SYT6: variants seen among roughly 807,000 people sequenced by gnomAD.
SYT6 encodes the protein synaptotagmin-6.
In SYT6, 24 loss-of-function variants were observed where a neutral mutation model predicts 38.4. The ratio of observed to expected loss-of-function variants is 0.62; its 90% CI spans 0.45 to 0.88. SYT6 has a LOEUF of 0.88. SYT6 is among the 40% of genes least tolerant of loss of function. The pLI, the probability that SYT6 is intolerant of heterozygous loss-of-function variation, is 0.00. For missense variants in SYT6, 611 were observed against 621.0 expected (o/e 0.98, Z 0.17); for synonymous variants, 265 against 241.9 (o/e 1.10, Z -0.89).
chr1:114,138,354 G>A (rs1678636628), intron 2 of SYT6, among the ~76,000 whole-genome samples: 1 of 152,036 alleles, frequency 6.6e-6, no homozygotes, highest in South Asian at 2.1e-4. Context: ...TGCTTTCTAG[G>A]TTTACTTCCT....
chr1:114,114,875 G>A (rs766206990), intron 3 of SYT6, among the ~76,000 whole-genome samples: 1 of 152,148 alleles, frequency 6.6e-6, no homozygotes, highest in Non-Finnish European at 1.5e-5. Flanking sequence ...CACAAGCAAG[G>A]GTTCTGAAGG....
chr1:114,126,625 A>C (rs1677762837), intron 3 of SYT6, among the ~76,000 whole-genome samples: 1 of 152,260 alleles, frequency 6.6e-6, no homozygotes, highest in African/African-American at 2.4e-5. Flanking sequence ...CGGGAAGTAC[A>C]TCTGTGTTGG....
intron 3 of SYT6, among the ~76,000 whole-genome samples, chr1:114,119,238 T>C (rs1677221197): frequency 6.6e-6 from 1 of 152,200 alleles, no homozygotes; most frequent in South Asian, 2.1e-4. Flanking sequence ...GTGATTCTAC[T>C]TGGAGTTTTC....
In SYT6 at chr1:114,132,164, A is replaced by G. The variant is rs77603646; in HGVS notation, c.1071+5331T>C. Among the ~76,000 whole-genome samples the G allele has an allele frequency of 7.1e-4, 108 of 152,326 alleles. No homozygotes were observed. In the East Asian group the frequency reaches 0.019, roughly 27 times the overall value. On this transcript the variant is annotated intron_variant, in intron 3 of 7. Coordinates refer to ENST00000610222, the MANE Select transcript of SYT6 (RefSeq NM_001253772.2). ...AAAGCAGGTTGTGCCCTTGGCAGCT[A>G]GCAGGAGCTCAATAAGTAATGACCA...
At position 114,137,729 on chromosome 1, in the gene SYT6, G is replaced by A; in HGVS notation, c.837C>T (p.Cys279=). The A allele has an allele frequency of 6.2e-7, 1 of 1,614,190 alleles. No individual in the cohort carries two copies. Among genetic ancestry groups the A allele is most frequent in the Non-Finnish European group, 8.5e-7 (1 of 1,180,034 alleles). ...VKIYLLPDRK[C]KLQTRVHRKT... ...TGCGGTGCACCCGGGTCTGCAGCTT[G>A]CATTTGCGGTCAGGCAGGAGGTAGA... Residue 279 remains cysteine, a synonymous_variant, in exon 3 of 8, where the codon TGC becomes TGT. Coordinates refer to ENST00000610222, the MANE Select transcript of SYT6 (RefSeq NM_001253772.2).
At chr1:114,133,045 C>T (rs1678247867) in intron 3 of SYT6, among the ~76,000 whole-genome samples, 1 of 152,134 alleles carries the variant, frequency 6.6e-6, no homozygotes, top group Non-Finnish European at 1.5e-5. Context: ...CTCCCTTCCT[C>T]CCTGCATACC....
chr1:114,110,832 C>G (rs1676631508), intron 3 of SYT6, among the ~76,000 whole-genome samples: 1 of 152,192 alleles, frequency 6.6e-6, no homozygotes, highest in African/African-American at 2.4e-5. Flanking sequence ...TCTGCCAGAT[C>G]CTTGCAGTTT....
Position 114,137,942 on chromosome 1 carries a change from C to A in SYT6, c.624G>T (p.Lys208Asn). Residue 208 changes from lysine (K) to asparagine (N), a missense_variant, in exon 3 of 8, where the codon AAG (lysine) becomes AAT (asparagine). Coordinates refer to ENST00000610222, the MANE Select transcript of SYT6 (RefSeq NM_001253772.2). ...AEQPTSIGRI[K>N]PELYKQKSVD... ...CCGACTTCTGCTTGTAGAGCTCAGG[C>A]TTGATGCGGCCAATGCTGGTGGGCT... is the stretch of plus-strand genomic sequence containing the variant. 6.2e-7 allele frequency: 1 copy of A among 1,614,058 alleles called. No individual in the cohort carries two copies. The highest frequency in any genetic ancestry group is 1.7e-5 in the Admixed American group (1 of 60,020).
chr1:114,120,193 G>A (rs1677306076), intron 3 of SYT6, among the ~76,000 whole-genome samples: 1 of 152,162 alleles, frequency 6.6e-6, no homozygotes, highest in Admixed American at 6.5e-5. Flanking sequence ...AGGTGTTGAT[G>A]AGGTCTCAGA....
At chr1:114,111,334 T>C (rs1296842258) in intron 3 of SYT6, among the ~76,000 whole-genome samples, 2 of 152,182 alleles carry the variant, frequency 1.3e-5, no homozygotes, top group African/African-American at 2.4e-5. Context: ...ACTTTTTACC[T>C]GGGGACACTG....
intron 1 of SYT6, among the ~76,000 whole-genome samples, chr1:114,148,247 A>C (rs1679257382): frequency 6.6e-6 from 1 of 152,220 alleles, no homozygotes; most frequent in East Asian, 1.9e-4. Flanking sequence ...GTTAGAATTC[A>C]TCAGCAATTC....
chr1:114,110,861 C>T (rs1162478745), intron 3 of SYT6, among the ~76,000 whole-genome samples: 1 of 152,216 alleles, frequency 6.6e-6, no homozygotes, highest in Admixed American at 6.5e-5. Context: ...CCCCTGCCCA[C>T]TCCCTCCAAT....
At chr1:114,127,589 T>C (rs955038952) in intron 3 of SYT6, among the ~76,000 whole-genome samples, 2 of 152,124 alleles carry the variant, frequency 1.3e-5, no homozygotes, top group African/African-American at 2.4e-5. Flanking sequence ...CTATAGGACA[T>C]GAGGTCTGAG....
chr1:114,152,880 T>A (rs1233605079), intron 1 of SYT6: 2 of 152,102 alleles, frequency 1.3e-5, no homozygotes, highest in East Asian at 3.9e-4. Flanking sequence ...CTTGGCAAAG[T>A]CGGCTAGAGG....
At chr1:114,100,966 G>A (rs1182179716) in intron 4 of SYT6, among the ~76,000 whole-genome samples, 2 of 152,122 alleles carry the variant, frequency 1.3e-5, no homozygotes, top group African/African-American at 4.8e-5. Flanking sequence ...CATGAGGCTT[G>A]GAAAAATAGA....
At chr1:114,122,695 A>G (rs907904010) in intron 3 of SYT6, among the ~76,000 whole-genome samples, 3 of 152,114 alleles carry the variant, frequency 2.0e-5, no homozygotes, top group African/African-American at 2.4e-5. Context: ...TTCCTAGGGA[A>G]CACCCACTCC....
chr1:114,119,820 C>T (rs1677269012), intron 3 of SYT6, among the ~76,000 whole-genome samples: 1 of 152,182 alleles, frequency 6.6e-6, no homozygotes, highest in African/African-American at 2.4e-5. Context: ...GCCTGTAATC[C>T]CAGCACTTTG....
chr1:114,134,891 C>T (rs1363397172), intron 3 of SYT6, among the ~76,000 whole-genome samples: 1 of 152,166 alleles, frequency 6.6e-6, no homozygotes, highest in Non-Finnish European at 1.5e-5. Flanking sequence ...CTCTGTCATT[C>T]CTGGTGACTG....
At chr1:114,153,505 G>A (rs971478007) in intron 1 of SYT6, 105 bp downstream of exon 1, 1 of 553,552 alleles carries the variant, frequency 1.8e-6, no homozygotes, top group Non-Finnish European at 3.2e-6. Flanking sequence ...ATCCCGAGCT[G>A]GGGAGTTCTC....
Sources: gnomAD v4.1 joint callset for allele counts (sites outside exome capture counted in the v4.1 genomes callset) on GRCh38, gnomAD v4.1.1 for gene constraint, MANE v1.5 for transcripts, NCBI Gene and HGNC (gene_info 2026-07-23, HGNC 2026-07-21) for gene names.